The following VMP1 variants were observed in gnomAD, a reference collection of about 807,000 sequenced individuals.
The protein encoded by VMP1 is vacuole membrane protein 1.
A neutral mutation model predicts 56.0 loss-of-function variants in VMP1; 11 were observed. The observed-to-expected ratio is 0.20, with a 90% CI of 0.12 to 0.32. The LOEUF (loss-of-function observed/expected upper bound fraction) is 0.32. VMP1 is among the 10% of genes least tolerant of loss of function. The pLI, the probability that VMP1 is intolerant of heterozygous loss-of-function variation, is 1.00. For synonymous variants in VMP1, 149 were observed against 165.0 expected (o/e 0.90, Z 0.74); for missense variants, 296 against 490.3 (o/e 0.60, Z 3.74).
Position 59,841,175 on chromosome 17 carries a change from GTTTGTT to G in VMP1, c.*1280_*1285del. The G allele has an allele frequency of 2.6e-6, 1 of 387,984 alleles. No individual in the cohort carries two copies. Among genetic ancestry groups the G allele is most frequent in the Non-Finnish European group, 5.8e-6 (1 of 172,496 alleles). 24.0% of individuals were successfully genotyped at this position (387,984 alleles called of 1,614,324 possible). A position where few individuals can be genotyped will look rare whatever the true frequency, so the allele number is the denominator to read the frequency against. On this transcript the variant is annotated 3_prime_UTR_variant, in exon 12 of 12. Coordinates refer to ENST00000262291, the MANE Select transcript of VMP1 (RefSeq NM_030938.5). The stretch of plus-strand genomic sequence containing the variant: ...GGCCAGAAATGCCTGGGTTTTTTTG[GTTTGTT>G]TTTGTTTTTGTTTTTTTATCAAATC...
Position 59,793,249 on chromosome 17 carries a change from C to T in VMP1, c.715-15547C>T, listed in dbSNP as rs1238900758. ...GCCAGGCTGGTCTTGAACTCCCGAC[C>T]TCAGTTGATCTACCTGCCTCAGCCT... On this transcript the variant is annotated intron_variant, in intron 7 of 11. Coordinates refer to ENST00000262291, the MANE Select transcript of VMP1 (RefSeq NM_030938.5). Among the ~76,000 whole-genome samples, 5 of 113,618 alleles carry T rather than the reference C, an allele frequency of 4.4e-5. 2 individuals are homozygous for T. The highest frequency in any genetic ancestry group is 1.1e-4 in the Non-Finnish European group (5 of 45,742). 74.5% of individuals were successfully genotyped at this position (113,618 alleles called of 152,430 possible).
At chr17:59,825,936 A>C (rs1390490566) in intron 10 of VMP1, among the ~76,000 whole-genome samples, 1 of 152,244 alleles carries the variant, frequency 6.6e-6, no homozygotes, top group Non-Finnish European at 1.5e-5. Context: ...TTTCTTCTAC[A>C]GAAAGAAAAT....
intron 7 of VMP1, among the ~76,000 whole-genome samples, chr17:59,777,586 T>G (rs957454610): frequency 3.3e-5 from 5 of 151,604 alleles, no homozygotes; most frequent in Non-Finnish European, 7.4e-5. Flanking sequence ...CCGAGGTGGG[T>G]GGATCACCTA....
At position 59,840,060 on chromosome 17, in the gene VMP1, A is replaced by G; in HGVS notation, c.*149A>G. On this transcript the variant is annotated 3_prime_UTR_variant, in exon 12 of 12. Coordinates refer to ENST00000262291, the MANE Select transcript of VMP1 (RefSeq NM_030938.5). ...GAAAGCAGTTTAGTCCATACTTTGC[A>G]CTGACATACTTTTTCCTTCTGTGCT... 1.0e-6 allele frequency: 1 copy of G among 963,522 alleles called. No individual in the cohort carries two copies. The allele number at this position is 963,522 out of a possible 1,614,324, so 59.7% of individuals were successfully genotyped here.
At chr17:59,732,332 G>A (rs918430789) in intron 2 of VMP1, among the ~76,000 whole-genome samples, 2 of 152,046 alleles carry the variant, frequency 1.3e-5, no homozygotes, top group Non-Finnish European at 2.9e-5. Context: ...TGCAACCTCC[G>A]CCTCCCAGGT....
chr17:59,802,383 A>G (rs927170544), intron 7 of VMP1, among the ~76,000 whole-genome samples: 1 of 151,570 alleles, frequency 6.6e-6, no homozygotes. Context: ...AGGTTTGTAT[A>G]AATACACTGC....
chr17:59,816,937 C>G (rs2038255333), intron 9 of VMP1, among the ~76,000 whole-genome samples: 2 of 116,998 alleles, frequency 1.7e-5, no homozygotes, highest in Admixed American at 9.4e-5. Flanking sequence ...CAGAAGGAGA[C>G]TCCGTCTCAA....
intron 1 of VMP1, among the ~76,000 whole-genome samples, chr17:59,723,919 A>G (rs1227646582): frequency 6.6e-6 from 1 of 152,180 alleles, no homozygotes; most frequent in Non-Finnish European, 1.5e-5. Flanking sequence ...TTGTTATTTA[A>G]AAAAATGTAA....
chr17:59,827,436 C>T (rs1174529877), intron 10 of VMP1, among the ~76,000 whole-genome samples: 2 of 152,032 alleles, frequency 1.3e-5, no homozygotes, highest in Non-Finnish European at 2.9e-5. Flanking sequence ...TCTGCCTCAG[C>T]CTCCCAAGCA....
At chr17:59,786,410 A>T (rs2037008825) in intron 7 of VMP1, among the ~76,000 whole-genome samples, 1 of 152,214 alleles carries the variant, frequency 6.6e-6, no homozygotes, top group Non-Finnish European at 1.5e-5. Context: ...CACCATGTCA[A>T]TGCCTGCTGG....
chr17:59,739,584 C>T (rs569015693), intron 5 of VMP1, among the ~76,000 whole-genome samples: 18 of 149,888 alleles, frequency 1.2e-4, no homozygotes, highest in South Asian at 4.2e-4. Context: ...ATTAGCCGGA[C>T]GTGGTGGCGG....
intron 7 of VMP1, among the ~76,000 whole-genome samples, chr17:59,790,089 C>T (rs942309226): frequency 6.6e-6 from 1 of 151,988 alleles, no homozygotes; most frequent in African/African-American, 2.4e-5. Context: ...GATCCGCCCA[C>T]CTCAGCCTCC....
At chr17:59,829,685 G>GT (rs1233214540) in intron 10 of VMP1, among the ~76,000 whole-genome samples, 10 of 152,138 alleles carry the variant, frequency 6.6e-5, no homozygotes, top group African/African-American at 2.4e-4. Flanking sequence ...TTACAAGACT[G>GT]TTACCGAGAA....
At chr17:59,786,491 A>C (rs2037010973) in intron 7 of VMP1, among the ~76,000 whole-genome samples, 1 of 151,832 alleles carries the variant, frequency 6.6e-6, no homozygotes, top group Non-Finnish European at 1.5e-5. Context: ...AGATGATCTG[A>C]AACTAAACAG....
rs904636232 is a variant in VMP1, at chr17:59,840,880, TA to T, written c.*978del. The T allele has an allele frequency of 1.0e-4, 16 of 153,878 alleles. No individual in the cohort carries two copies. Among genetic ancestry groups the T allele is most frequent in the Admixed American group, 1.9e-4 (3 of 15,532 alleles). The allele number at this position is 153,878 out of a possible 1,614,324, so 9.5% of individuals were successfully genotyped here. ...ACTGGAGAGAGAAATTACCCATTTC[TA>T]AAAAAAAACCACACTCTGTCGTATC... On this transcript the variant is annotated 3_prime_UTR_variant, in exon 12 of 12. Coordinates refer to ENST00000262291, the MANE Select transcript of VMP1 (RefSeq NM_030938.5).
chr17:59,735,508 C>T (rs745856149), intron 3 of VMP1, 35 bp downstream of exon 3: 2 of 1,607,440 alleles, frequency 1.2e-6, no homozygotes, highest in South Asian at 1.1e-5. Context: ...TTTACATACA[C>T]CTCATTTACT....
At chr17:59,715,982 T>A (rs2034136545) in intron 1 of VMP1, among the ~76,000 whole-genome samples, 1 of 152,154 alleles carries the variant, frequency 6.6e-6, no homozygotes, top group Non-Finnish European at 1.5e-5. Context: ...GAAAATTTTT[T>A]ATTTTTTTTT....
chr17:59,802,711 G>A (rs1051330414), intron 7 of VMP1, among the ~76,000 whole-genome samples: 5 of 151,558 alleles, frequency 3.3e-5, no homozygotes, highest in Non-Finnish European at 5.9e-5. Flanking sequence ...GATTACAGGC[G>A]CCAGCCACCA....
rs1249948895 is a variant in VMP1, at chr17:59,831,564, T to A, written c.975-6731T>A. 2.0e-5 allele frequency among the ~76,000 whole-genome samples: 3 copies of A among 151,980 alleles called. No homozygotes were observed. In the South Asian group the frequency reaches 6.2e-4, roughly 31 times the overall value. On this transcript the variant is annotated intron_variant, in intron 10 of 11. Transcript: ENST00000262291. ...AAAAATAATAGATTTTGTTTGCAAT[T>A]TGGCAAGGGCTCTTGGCAGAATTTT...
Sources: allele counts gnomAD v4.1 joint callset (sites outside exome capture counted in the v4.1 genomes callset), GRCh38; gene constraint gnomAD v4.1.1; transcripts MANE v1.5; gene names NCBI Gene and HGNC (gene_info 2026-07-23, HGNC 2026-07-21).